BAZ2B: variants seen among roughly 807,000 people sequenced by gnomAD.
BAZ2B encodes bromodomain adjacent to zinc finger domain 2B, also known as bromodomain adjacent to zinc finger domain protein 2B.
In BAZ2B, 91 loss-of-function variants were observed where a neutral mutation model predicts 246.0. The ratio of observed to expected loss-of-function variants is 0.37; its 90% CI spans 0.31 to 0.44. BAZ2B has a LOEUF of 0.44. Ranked by LOEUF, BAZ2B falls within the 20% of genes least tolerant of loss-of-function variation. The pLI, the probability that BAZ2B is intolerant of heterozygous loss-of-function variation, is 1.00. For missense variants in BAZ2B, 2,332 were observed against 2,533.7 expected (o/e 0.92, Z 1.71); for synonymous variants, 855 against 860.0 (o/e 0.99, Z 0.10).
intron 1 of BAZ2B, among the ~76,000 whole-genome samples, chr2:159,556,636 A>G (rs533036731): frequency 1.3e-5 from 2 of 151,724 alleles, no homozygotes; most frequent in East Asian, 3.9e-4. Context: ...AACTTTTTGT[A>G]TTTTTTGTAG....
chr2:159,695,070 G>C, the BAZ2B span: 1 of 152,112 alleles, frequency 6.6e-6, no homozygotes, highest in Non-Finnish European at 1.5e-5. Flanking sequence ...CCTAATGACT[G>C]CTGAGGCTGA....
intron 2 of BAZ2B, among the ~76,000 whole-genome samples, chr2:159,549,587 G>GTTT (rs2087852797): frequency 6.6e-6 from 1 of 152,020 alleles, no homozygotes; most frequent in Non-Finnish European, 1.5e-5. Context: ...TAACACGAAC[G>GTTT]ATAGCTGATG....
chr2:159,579,282 G>T (rs1181444744), intron 1 of BAZ2B, among the ~76,000 whole-genome samples: 4 of 152,154 alleles, frequency 2.6e-5, no homozygotes, highest in Non-Finnish European at 1.5e-5. Flanking sequence ...TACCATCAGA[G>T]AATACTATAA....
intron 2 of BAZ2B, among the ~76,000 whole-genome samples, chr2:159,538,958 T>C (rs960074812): frequency 6.6e-6 from 1 of 152,226 alleles, no homozygotes; most frequent in Non-Finnish European, 1.5e-5. Context: ...TACTTTATTT[T>C]CCTATAAAGT....
At chr2:159,686,439 A>C in the BAZ2B span, among the ~76,000 whole-genome samples, 1 of 152,240 alleles carries the variant, frequency 6.6e-6, no homozygotes, top group Non-Finnish European at 1.5e-5. Flanking sequence ...TGAGAAATAC[A>C]TAAGGCAAAC....
chr2:159,470,747 A>T (rs1000044826), intron 3 of BAZ2B, among the ~76,000 whole-genome samples: 3 of 152,234 alleles, frequency 2.0e-5, no homozygotes, highest in African/African-American at 7.2e-5. Context: ...TTATGGCTTA[A>T]GCTACTGGAT....
intron 18 of BAZ2B, chr2:159,398,410 A>C (rs2064404555): frequency 6.5e-6 from 1 of 153,324 alleles, no homozygotes; most frequent in Non-Finnish European, 1.5e-5. Flanking sequence ...AATATTAACA[A>C]AGAAAAAGTT....
At chr2:159,554,561 G>C (rs2088807486) in intron 2 of BAZ2B, among the ~76,000 whole-genome samples, 1 of 151,592 alleles carries the variant, frequency 6.6e-6, no homozygotes, top group African/African-American at 2.4e-5. Context: ...TTTCTCTCTA[G>C]TCTCTGCAAA....
the BAZ2B span, among the ~76,000 whole-genome samples, chr2:159,654,519 T>C: frequency 1.3e-5 from 2 of 152,192 alleles, no homozygotes; most frequent in African/African-American, 4.8e-5. Context: ...GGTAGAAACC[T>C]GCCTTCTAAG....
intron 1 of BAZ2B, among the ~76,000 whole-genome samples, chr2:159,579,157 C>CA (rs1190806111): frequency 6.6e-6 from 1 of 151,990 alleles, no homozygotes; most frequent in East Asian, 1.9e-4. Context: ...AAAACATCAA[C>CA]AAAACTGATA....
At chr2:159,712,156 G>A in the BAZ2B span, 1 of 151,984 alleles carries the variant, frequency 6.6e-6, no homozygotes, top group African/African-American at 2.4e-5. Flanking sequence ...CCCTGCAGGT[G>A]GGCCTGTGGG....
intron 27 of BAZ2B, among the ~76,000 whole-genome samples, chr2:159,356,275 C>T (rs746502811): frequency 3.4e-4 from 51 of 152,164 alleles, no homozygotes; most frequent in Non-Finnish European, 4.1e-4. Context: ...AGTCTGAAGT[C>T]GACGTGGGAT....
intron 1 of BAZ2B, among the ~76,000 whole-genome samples, chr2:159,577,445 G>C: frequency 6.6e-6 from 1 of 152,082 alleles, no homozygotes; most frequent in East Asian, 1.9e-4. Flanking sequence ...TACACTTTCT[G>C]TAAGTATGCA....
At chr2:159,678,793 AC>A in the BAZ2B span, among the ~76,000 whole-genome samples, 2 of 152,212 alleles carry the variant, frequency 1.3e-5, no homozygotes, top group Non-Finnish European at 2.9e-5. Context: ...TCTATCACAT[AC>A]ACCTCCAAAA....
At chr2:159,333,052 TTCA>T (rs1479956999) in intron 33 of BAZ2B, 1 of 157,290 alleles carries the variant, frequency 6.4e-6, no homozygotes, top group African/African-American at 2.4e-5. Context: ...TTTAATGTGC[TTCA>T]TCTTTTGCTT....
At chr2:159,549,254 C>T (rs1269932421) in intron 2 of BAZ2B, among the ~76,000 whole-genome samples, 1 of 152,176 alleles carries the variant, frequency 6.6e-6, no homozygotes, top group East Asian at 1.9e-4. Context: ...GCACTCCAGC[C>T]TGGGCAACAG....
intron 16 of BAZ2B, among the ~76,000 whole-genome samples, chr2:159,401,861 CAA>C (rs1392579776): frequency 9.9e-5 from 15 of 152,216 alleles, no homozygotes; most frequent in African/African-American, 1.4e-4. Context: ...AAAGAAAACT[CAA>C]AGTTTCCTAC....
At position 159,327,696 on chromosome 2, in the gene BAZ2B, A is replaced by G. The variant is rs181812970; in HGVS notation, c.5944-1778T>C. Among the ~76,000 whole-genome samples, 28 of 152,346 alleles carry G rather than the reference A, an allele frequency of 1.8e-4. No individual in the cohort carries two copies. The East Asian group carries it at 4.4e-3, about 24-fold the overall frequency. ...AGCTGGAATTATGAATAGTGGGCCA[A>G]AACATTTAGTTTCTATTTGAACTAA... On this transcript the variant is annotated intron_variant, in intron 34 of 36. Transcript: ENST00000392783.
chr2:159,567,656 G>C (rs761732610), intron 1 of BAZ2B, among the ~76,000 whole-genome samples: 5 of 152,068 alleles, frequency 3.3e-5, no homozygotes, highest in African/African-American at 4.8e-5. Flanking sequence ...ACATGTTTCA[G>C]GTATTCCTCC....
Sources: allele counts gnomAD v4.1 joint callset (sites outside exome capture counted in the v4.1 genomes callset), GRCh38; gene constraint gnomAD v4.1.1; transcripts MANE v1.5; gene names NCBI Gene and HGNC (gene_info 2026-07-23, HGNC 2026-07-21).